OR2L13: variants seen among roughly 807,000 people sequenced by gnomAD.
The protein encoded by OR2L13 is olfactory receptor family 2 subfamily L member 13, also known as olfactory receptor 2L13.
Under a neutral mutation model 15.3 loss-of-function variants are expected in OR2L13, and 14 were observed. The observed-to-expected ratio is 0.91, with a 90% confidence interval of 0.60 to 1.43. OR2L13 has a LOEUF of 1.43. Among genes scored for constraint, OR2L13 ranks in the 40% most tolerant of loss-of-function variants. OR2L13 has a pLI of 0.00. For missense variants in OR2L13, 367 were observed against 387.9 expected, an observed-to-expected ratio of 0.95 and a Z score of 0.45; for synonymous variants, 152 against 142.9, an observed-to-expected ratio of 1.06 and a Z score of -0.45.
the OR2L13 span, among the ~76,000 whole-genome samples, chr1:248,029,587 A>G: frequency 2.1e-4 from 32 of 152,302 alleles, no homozygotes; most frequent in Non-Finnish European, 3.8e-4. Context: ...AACATATATA[A>G]TACCTAAAAT....
chr1:247,951,417 C>T, the OR2L13 span, among the ~76,000 whole-genome samples: 93 of 152,144 alleles, frequency 6.1e-4, no homozygotes, highest in African/African-American at 2.2e-3. Flanking sequence ...GGATGTCTTT[C>T]GATTTGTTTG....
At chr1:248,095,910 A>G (rs185788526), upstream of OR2L13, among the ~76,000 whole-genome samples, 37 of 151,374 alleles carry the variant, frequency 2.4e-4, no homozygotes, top group East Asian at 7.3e-3. Flanking sequence ...TGGCCATAAA[A>G]CTGCTTTTTA....
At chr1:248,060,929 A>G in the OR2L13 span, 1 of 1,613,756 alleles carries the variant, frequency 6.2e-7, no homozygotes, top group Non-Finnish European at 8.5e-7. Context: ...ATGGCATCTG[A>G]TTTTCTGTCT....
the OR2L13 span, among the ~76,000 whole-genome samples, chr1:248,021,352 T>C: frequency 1.3e-5 from 2 of 152,166 alleles, no homozygotes; most frequent in African/African-American, 2.4e-5. Context: ...TAATTCACAG[T>C]CTAACTAAAC....
the OR2L13 span, among the ~76,000 whole-genome samples, chr1:248,034,309 T>C: frequency 6.6e-6 from 1 of 152,150 alleles, no homozygotes; most frequent in Non-Finnish European, 1.5e-5. Context: ...CTCAAATTCA[T>C]ATGGAACCAA....
upstream of OR2L13, among the ~76,000 whole-genome samples, chr1:248,095,606 G>GTTTTTTTTTTTT (rs1476154907): frequency 1.5e-4 from 1 of 6,628 alleles, no homozygotes; most frequent in Non-Finnish European, 4.9e-4. Context: ...TAAAGCTGCT[G>GTTTTTTTTTTTT]CTTTTTTTTT....
chr1:248,014,309 T>G, the OR2L13 span, among the ~76,000 whole-genome samples: 2 of 152,062 alleles, frequency 1.3e-5, no homozygotes, highest in East Asian at 3.9e-4. Context: ...AAATTACCAG[T>G]CTGTAGAGCA....
At chr1:247,957,298 T>G in the OR2L13 span, among the ~76,000 whole-genome samples, 1 of 152,220 alleles carries the variant, frequency 6.6e-6, no homozygotes, top group African/African-American at 2.4e-5. Flanking sequence ...GAAGCCCACT[T>G]GATCATGGTG....
the OR2L13 span, among the ~76,000 whole-genome samples, chr1:247,964,067 C>T: frequency 6.6e-6 from 1 of 152,146 alleles, no homozygotes; most frequent in Admixed American, 6.5e-5. Context: ...TAATTACTAT[C>T]TTATCTTGTA....
At chr1:248,061,096 A>C in the OR2L13 span, 1 of 1,612,102 alleles carries the variant, frequency 6.2e-7, no homozygotes, top group African/African-American at 1.3e-5. Flanking sequence ...GAGCAAAAGA[A>C]TGTGTGTGCT....
the OR2L13 span, among the ~76,000 whole-genome samples, chr1:247,979,062 C>G: frequency 6.6e-6 from 1 of 152,010 alleles, no homozygotes; most frequent in South Asian, 2.1e-4. Context: ...TCACCTTTTC[C>G]CACATCAAAT....
chr1:248,091,615 C>A (rs1378936615), upstream of OR2L13, among the ~76,000 whole-genome samples: 3 of 151,652 alleles, frequency 2.0e-5, no homozygotes, highest in Non-Finnish European at 4.4e-5. Context: ...TATTTCTGGG[C>A]TCTCCATTCT....
chr1:247,993,888 TGGGACCTAGTGATG>T, the OR2L13 span, among the ~76,000 whole-genome samples: 1 of 152,068 alleles, frequency 6.6e-6, no homozygotes, highest in Non-Finnish European at 1.5e-5. Context: ...TTGGTACCTG[TGGGACCTAGTGATG>T]GAGTGTGACT....
chr1:247,971,103 A>G, the OR2L13 span, among the ~76,000 whole-genome samples: 9 of 152,236 alleles, frequency 5.9e-5, no homozygotes, highest in Admixed American at 4.6e-4. Flanking sequence ...ATTTATTTCT[A>G]TATCAACTTA....
the OR2L13 span, chr1:248,024,094 G>C: frequency 1.1e-4 from 17 of 151,896 alleles, no homozygotes; most frequent in Admixed American, 1.1e-3. Flanking sequence ...TGAGCAGAAC[G>C]TGCAGGTTTG....
the OR2L13 span, among the ~76,000 whole-genome samples, chr1:247,981,854 C>T: frequency 1.2e-4 from 18 of 150,288 alleles, no homozygotes; most frequent in Admixed American, 6.0e-4. Context: ...CTCGCTCTGT[C>T]GCCCAGGCTG....
chr1:247,964,956 C>A, the OR2L13 span, among the ~76,000 whole-genome samples: 1 of 148,820 alleles, frequency 6.7e-6, no homozygotes, highest in Non-Finnish European at 1.5e-5. Context: ...ATATACTTGT[C>A]TTTAAAAGAT....
the OR2L13 span, among the ~76,000 whole-genome samples, chr1:247,973,485 TAGAC>T: frequency 0.02 from 3,068 of 152,072 alleles, 87 homozygotes; most frequent in African/African-American, 0.067. Context: ...ACATCAATAA[TAGAC>T]AGACAGAGAG....
chr1:247,958,967 G>T, the OR2L13 span, among the ~76,000 whole-genome samples: 2 of 152,168 alleles, frequency 1.3e-5, no homozygotes, highest in African/African-American at 4.8e-5. Context: ...TGTTATGTGT[G>T]AATTTGATCC....
Sources: allele counts gnomAD v4.1 joint callset (sites outside exome capture counted in the v4.1 genomes callset), GRCh38; gene constraint gnomAD v4.1.1; transcripts MANE v1.5; gene names NCBI Gene and HGNC (gene_info 2026-07-23, HGNC 2026-07-21).